TCF12: variants seen among roughly 807,000 people sequenced by gnomAD.
The protein encoded by TCF12 is DNA-binding protein HTF4.
TCF12 carries 45 observed loss-of-function variants against 86.0 expected under a neutral mutation model. The ratio of observed to expected loss-of-function variants is 0.52; its 90% CI spans 0.41 to 0.67. The LOEUF (loss-of-function observed/expected upper bound fraction) is 0.67. Ranked by LOEUF, TCF12 falls within the 30% of genes least tolerant of loss-of-function variation. TCF12 has a pLI of 0.00. For synonymous variants in TCF12, 330 were observed against 299.6 expected (o/e 1.10, Z -1.05); for missense variants, 881 against 859.9 (o/e 1.02, Z -0.31).
At chr15:57,260,876 G>A (rs1191162696) in intron 16 of TCF12, among the ~76,000 whole-genome samples, 1 of 152,120 alleles carries the variant, frequency 6.6e-6, no homozygotes, top group Non-Finnish European at 1.5e-5. Flanking sequence ...AAAATAATTT[G>A]TTCTCTTGAA....
intron 14 of TCF12, among the ~76,000 whole-genome samples, chr15:57,251,906 G>GA (rs530031274): frequency 3.7e-4 from 56 of 151,666 alleles, no homozygotes; most frequent in African/African-American, 1.2e-3. Context: ...TTTTCTTATG[G>GA]AAAAAAAAGT....
At chr15:56,975,651 T>C (rs1189724012) in intron 3 of TCF12, among the ~76,000 whole-genome samples, 1 of 151,960 alleles carries the variant, frequency 6.6e-6, no homozygotes, top group Non-Finnish European at 1.5e-5. Context: ...GTTTGTTTGT[T>C]TTTTGTTTGT....
At chr15:57,161,444 A>C (rs2054498747) in intron 5 of TCF12, among the ~76,000 whole-genome samples, 3 of 152,246 alleles carry the variant, frequency 2.0e-5, no homozygotes, top group Admixed American at 2.0e-4. Flanking sequence ...TTTTTAGTTT[A>C]GGTCAGAAAA....
chr15:57,140,028 A>G (rs76882615), intron 5 of TCF12, among the ~76,000 whole-genome samples: 6,147 of 152,294 alleles, frequency 0.04, 373 homozygotes, highest in Admixed American at 0.17. Context: ...TAATTACCAT[A>G]TGATCCAGCA....
intron 3 of TCF12, among the ~76,000 whole-genome samples, chr15:57,007,776 T>TTCTTTCTTTCTC (rs1419456007): frequency 3.7e-4 from 27 of 72,760 alleles, no homozygotes; most frequent in African/African-American, 1.3e-3. Flanking sequence ...CTTTCTTTCT[T>TTCTTTCTTTCTC]TCTTTCTTTC....
intron 4 of TCF12, among the ~76,000 whole-genome samples, chr15:57,067,538 C>CAAAAAAA (rs141377160): frequency 1.7e-5 from 1 of 58,588 alleles, no homozygotes; most frequent in African/African-American, 9.8e-5. Flanking sequence ...GACTCCGTCT[C>CAAAAAAA]AAAAAAAAAA....
chr15:57,194,199 C>T (rs989920087), intron 7 of TCF12, among the ~76,000 whole-genome samples: 2 of 151,990 alleles, frequency 1.3e-5, no homozygotes, highest in African/African-American at 4.8e-5. Context: ...TAAATTAAAA[C>T]TTGTATCTTC....
At chr15:56,920,911 T>C (rs765128666) in intron 2 of TCF12, 115 bp from the exon 3 acceptor site, 1 of 692,918 alleles carries the variant, frequency 1.4e-6, no homozygotes, top group South Asian at 3.0e-5. Context: ...TCTCCAATTT[T>C]ATTTTAACTT....
At chr15:57,018,507 G>C (rs2065282261) in intron 3 of TCF12, among the ~76,000 whole-genome samples, 1 of 151,682 alleles carries the variant, frequency 6.6e-6, no homozygotes, top group African/African-American at 2.4e-5. Context: ...CTATCGCCCA[G>C]GCTGGAGTGC....
chr15:56,918,175 C>T, upstream of TCF12: 1 of 455,884 alleles, frequency 2.2e-6, no homozygotes, highest in South Asian at 1.5e-5. Flanking sequence ...AGCCTCTGGG[C>T]CCAGCTTAGG....
chr15:57,037,176 C>T (rs779964346), intron 3 of TCF12, among the ~76,000 whole-genome samples: 12 of 152,090 alleles, frequency 7.9e-5, no homozygotes, highest in Non-Finnish European at 1.5e-4. Context: ...GGCTCGAGCA[C>T]GGTGGCTCAT....
chr15:57,197,928 CT>C, intron 8 of TCF12, 103 bp downstream of exon 8: 1 of 1,119,432 alleles, frequency 8.9e-7, no homozygotes, highest in Non-Finnish European at 1.3e-6. Context: ...AGTGGGCATA[CT>C]TTACATAGTA....
intron 3 of TCF12, among the ~76,000 whole-genome samples, chr15:56,951,347 T>C (rs1222731924): frequency 6.6e-6 from 1 of 152,218 alleles, no homozygotes; most frequent in Non-Finnish European, 1.5e-5. Flanking sequence ...TTTTATCTTG[T>C]TTGCTGAAAT....
At position 57,253,471 on chromosome 15, in the gene TCF12, A is replaced by G. The variant is rs750851680; in HGVS notation, c.1467+3A>G. ...CAAGCAGTCGATCAGCTTCAATGGT[A>G]AAATCATGCTCATCTTTTTTGTAGT... is the stretch of plus-strand genomic sequence containing the variant. On this transcript the variant is annotated splice_donor_region_variant and intron_variant, in intron 16 of 20. Transcript: ENST00000333725. 1.2e-6 allele frequency: 2 copies of G among 1,613,820 alleles called. No homozygotes were observed. The highest frequency in any genetic ancestry group is 1.7e-6 in the Non-Finnish European group (2 of 1,179,886).
At chr15:56,988,276 G>GTATA (rs2063288614) in intron 3 of TCF12, among the ~76,000 whole-genome samples, 1 of 152,072 alleles carries the variant, frequency 6.6e-6, no homozygotes, top group African/African-American at 2.4e-5. Flanking sequence ...ATAAACCTAG[G>GTATA]GGGTATATAG....
chr15:57,087,898 C>T (rs1423425308), intron 4 of TCF12, among the ~76,000 whole-genome samples: 2 of 152,080 alleles, frequency 1.3e-5, no homozygotes, highest in African/African-American at 4.8e-5. Context: ...TATGTCATCT[C>T]ATGTATTAAA....
intron 5 of TCF12, among the ~76,000 whole-genome samples, chr15:57,146,056 CT>C (rs1351789892): frequency 6.6e-6 from 1 of 152,114 alleles, no homozygotes; most frequent in East Asian, 1.9e-4. Context: ...TTTTATGTGA[CT>C]TTTTATTTCT....
At chr15:56,993,733 G>A (rs2063563885) in intron 3 of TCF12, among the ~76,000 whole-genome samples, 1 of 152,198 alleles carries the variant, frequency 6.6e-6, no homozygotes, top group South Asian at 2.1e-4. Context: ...AGCCATGTTA[G>A]AGCTCATGGC....
intron 3 of TCF12, among the ~76,000 whole-genome samples, chr15:56,962,051 T>G (rs2061782775): frequency 6.9e-6 from 1 of 145,634 alleles, no homozygotes; most frequent in South Asian, 2.1e-4. Context: ...GAGAATGGCG[T>G]GAACCCGGGA....
Sources: gnomAD v4.1 joint callset for allele counts (sites outside exome capture counted in the v4.1 genomes callset) on GRCh38, gnomAD v4.1.1 for gene constraint, MANE v1.5 for transcripts, NCBI Gene and HGNC (gene_info 2026-07-23, HGNC 2026-07-21) for gene names.